Variants in MYO1H observed in about 807,000 individuals in gnomAD.
MYO1H encodes the protein unconventional myosin-Ih.
Under a neutral mutation model 149.3 loss-of-function variants are expected in MYO1H, and 118 were observed. That is an observed-to-expected ratio of 0.79 (90% confidence interval 0.68 to 0.92). The LOEUF (loss-of-function observed/expected upper bound fraction) is 0.92, where lower values mean the gene tolerates loss of function less well. Among genes scored for constraint, MYO1H ranks in the 40% least tolerant of loss-of-function variants. The probability of loss-of-function intolerance (pLI) is 0.00; values close to 1 mark genes in which losing one functional copy is unlikely to be tolerated. For missense variants in MYO1H, 1,212 were observed against 1,280.7 expected, an observed-to-expected ratio of 0.95 and a Z score of 0.82; for synonymous variants, 447 against 465.2, an observed-to-expected ratio of 0.96 and a Z score of 0.50.
Position 109,374,557 on chromosome 12 carries a change from G to A in MYO1H, c.13-14126G>A, listed in dbSNP as rs199744757. 3.9e-5 allele frequency among the ~76,000 whole-genome samples: 6 copies of A among 152,122 alleles called. No individual in the cohort carries two copies. In the East Asian group the frequency reaches 1.2e-3, roughly 29 times the overall value. On this transcript the variant is annotated intron_variant, in intron 1 of 31. Coordinates refer to ENST00000310903, the Ensembl canonical transcript of MYO1H. ...AGTTGAGTGTGTTTCTTGTTTTGGA[G>A]TTGTTATAAATAACGCTGCCATGTA...
intron 20 of MYO1H, among the ~76,000 whole-genome samples, chr12:109,433,549 T>C (rs1871729977): frequency 6.6e-6 from 1 of 152,200 alleles, no homozygotes; most frequent in African/African-American, 2.4e-5. Context: ...TCAGGGTTAA[T>C]GAGGTTGCAG....
intron 27 of MYO1H, among the ~76,000 whole-genome samples, chr12:109,443,106 A>ATGTGTGTATATGTG (rs1872262916): frequency 1.3e-5 from 1 of 76,778 alleles, no homozygotes; most frequent in Admixed American, 1.1e-4. Context: ...ATGTGTACGT[A>ATGTGTGTATATGTG]TATGTGTGTA....
chr12:109,315,163 A>C, the MYO1H span, among the ~76,000 whole-genome samples: 1 of 152,114 alleles, frequency 6.6e-6, no homozygotes, highest in Non-Finnish European at 1.5e-5. Context: ...TACCTCACCC[A>C]ATTTAAGATC....
chr12:109,427,663 T>G, intron 19 of MYO1H, 77 bp downstream of exon 19: 1 of 1,018,042 alleles, frequency 9.8e-7, no homozygotes, highest in Non-Finnish European at 1.6e-6. Flanking sequence ...TAGTGGTAAA[T>G]AAAATGGCAT....
chr12:109,390,210 TC>T (rs1410109375), intron 2 of MYO1H, among the ~76,000 whole-genome samples: 2 of 150,474 alleles, frequency 1.3e-5, no homozygotes, highest in Non-Finnish European at 3.0e-5. Flanking sequence ...AATCTTTTTT[TC>T]TTTTTTTTTT....
At chr12:109,319,023 C>A in the MYO1H span, among the ~76,000 whole-genome samples, 1 of 86,982 alleles carries the variant, frequency 1.1e-5, no homozygotes, top group Admixed American at 1.7e-4. Flanking sequence ...TAAAATCATT[C>A]AAAACCAAAA....
chr12:109,346,621 C>T (rs371160340), upstream of MYO1H, among the ~76,000 whole-genome samples: 6 of 151,904 alleles, frequency 3.9e-5, no homozygotes, highest in African/African-American at 1.4e-4. Flanking sequence ...GTTAGCTGGG[C>T]GTTGTGGCGG....
intron 31 of MYO1H, 116 bp from the exon 32 acceptor site, chr12:109,447,043 T>G: frequency 9.5e-7 from 1 of 1,049,006 alleles, no homozygotes; most frequent in African/African-American, 1.6e-5. Flanking sequence ...TGGCACTGGC[T>G]TCTCACAGGC....
intron 14 of MYO1H, among the ~76,000 whole-genome samples, chr12:109,414,481 A>T (rs1870815379): frequency 6.6e-6 from 1 of 150,490 alleles, no homozygotes; most frequent in Non-Finnish European, 1.5e-5. Context: ...CATCTCAAAA[A>T]AAAAAAAAAA....
At chr12:109,403,950 GA>G in intron 6 of MYO1H, 31 bp from the exon 7 acceptor site, 4 of 1,484,130 alleles carry the variant, frequency 2.7e-6, no homozygotes, top group Non-Finnish European at 3.8e-6. Flanking sequence ...CTATAAAAAT[GA>G]CATTAAGTGA....
At chr12:109,364,297 A>G (rs761729242) in intron 1 of MYO1H, among the ~76,000 whole-genome samples, 2 of 151,944 alleles carry the variant, frequency 1.3e-5, no homozygotes, top group Non-Finnish European at 2.9e-5. Context: ...ACATACATAC[A>G]TATTTAATAA....
At position 109,396,814 on chromosome 12, in the gene MYO1H, G is replaced by GTTTTTTGTTTTTTTTTTTTTTTT. The variant is rs1869930499; in HGVS notation, c.489+238_489+239insGTTTTTTTTTTTTTTTTTTTTTT. ...GACATTTGGTTTTTGTTTTGGTTTC[G>GTTTTTTGTTTTTTTTTTTTTTTT]TTTTTTTTTTTTTTTTTTTTTTTTT... On this transcript the variant is annotated intron_variant, in intron 4 of 31. Transcript: ENST00000310903. Among the ~76,000 whole-genome samples the GTTTTTTGTTTTTTTTTTTTTTTT allele has an allele frequency of 3.9e-5, 2 of 51,088 alleles. 1 individual carries two copies. The highest frequency in any genetic ancestry group is 1.3e-4 in the African/African-American group (2 of 15,874). The allele number at this position is 51,088 out of a possible 152,430, so 33.5% of individuals were successfully genotyped here.
At chr12:109,346,559 G>A (rs945028567), upstream of MYO1H, among the ~76,000 whole-genome samples, 7 of 152,126 alleles carry the variant, frequency 4.6e-5, no homozygotes, top group Admixed American at 3.3e-4. Context: ...TCAGGAGTTC[G>A]AGACCAGCCT....
At chr12:109,424,164 CT>C (rs1227247663) in intron 16 of MYO1H, among the ~76,000 whole-genome samples, 3 of 151,924 alleles carry the variant, frequency 2.0e-5, no homozygotes, top group African/African-American at 4.8e-5. Context: ...GGAGATCATT[CT>C]TTTTTTTCTT....
the MYO1H span, among the ~76,000 whole-genome samples, chr12:109,315,675 C>T: frequency 6.6e-6 from 1 of 152,242 alleles, no homozygotes; most frequent in Non-Finnish European, 1.5e-5. Context: ...CCTCCTGTTA[C>T]AGGGCTGGTC....
At chr12:109,354,740 C>A (rs1868548878) in intron 1 of MYO1H, among the ~76,000 whole-genome samples, 1 of 152,064 alleles carries the variant, frequency 6.6e-6, no homozygotes, top group East Asian at 1.9e-4. Context: ...GTAAACATAG[C>A]CAGTTTCTGG....
exon 29 of MYO1H, chr12:109,444,279 A>G (rs749289690): frequency 1.2e-6 from 2 of 1,613,556 alleles, no homozygotes; most frequent in Admixed American, 3.3e-5. Context: ...GACAGCAAGC[A>G]AAAGGTAATT....
chr12:109,436,944 A>AACAAC (rs951326961), intron 22 of MYO1H, among the ~76,000 whole-genome samples: 4 of 151,876 alleles, frequency 2.6e-5, no homozygotes, highest in Admixed American at 2.6e-4. Flanking sequence ...AACAAAACAA[A>AACAAC]ACACCCAAAA....
intron 7 of MYO1H, among the ~76,000 whole-genome samples, chr12:109,404,447 A>G (rs1019106179): frequency 3.3e-5 from 5 of 152,218 alleles, no homozygotes; most frequent in African/African-American, 1.2e-4. Context: ...GTGCCACTGC[A>G]CTCCAGCCTG....
Sources: allele counts gnomAD v4.1 joint callset (sites outside exome capture counted in the v4.1 genomes callset), GRCh38; gene constraint gnomAD v4.1.1; transcripts MANE v1.5; gene names NCBI Gene and HGNC (gene_info 2026-07-23, HGNC 2026-07-21).